The following CCDC85C variants were observed in gnomAD, a reference collection of about 807,000 sequenced individuals.
The protein encoded by CCDC85C is coiled-coil domain-containing protein 85C.
CCDC85C carries 18 observed loss-of-function variants against 38.3 expected under a neutral mutation model. The ratio of observed to expected loss-of-function variants is 0.47; its 90% confidence interval spans 0.33 to 0.70. The LOEUF is 0.70. Among genes scored for constraint, CCDC85C ranks in the 30% least tolerant of loss-of-function variants. CCDC85C has a pLI of 0.03. For missense variants in CCDC85C, 566 were observed against 621.2 expected, an observed-to-expected ratio of 0.91 and a Z score of 0.94; for synonymous variants, 264 against 293.8, an observed-to-expected ratio of 0.90 and a Z score of 1.04.
At chr14:99,547,259 G>A (rs1897824633) in intron 1 of CCDC85C, among the ~76,000 whole-genome samples, 2 of 152,118 alleles carry the variant, frequency 1.3e-5, no homozygotes, top group Admixed American at 6.6e-5. Flanking sequence ...GGAAAGAAGT[G>A]AGACACCAAA....
rs902890101 is a variant in CCDC85C, at chr14:99,515,234, A to G, written c.*12T>C. On this transcript the variant is annotated 3_prime_UTR_variant, in exon 6 of 6. Transcript: ENST00000380243. ...CCCAGCAGGGCCAGTCCACGTCCAC[A>G]GAAGAGTGGCCCTACAAAGGCCCCT... is the stretch of plus-strand genomic sequence containing the variant. 9.7e-6 allele frequency: 15 copies of G among 1,547,242 alleles called. 1 individual carries two copies. The Admixed American group carries it at 2.9e-4, about 30-fold the overall frequency.
At position 99,533,131 on chromosome 14, in the gene CCDC85C, C is replaced by T. The variant is rs1458934035; in HGVS notation, c.867+2884G>A. On this transcript the variant is annotated intron_variant, in intron 2 of 5. Coordinates refer to ENST00000380243, the MANE Select transcript of CCDC85C (RefSeq NM_001144995.2). This position sits in a 1 kb window ranked among gnomAD's most constrained non-coding sequence, Gnocchi z 4.2. ...CCATGGGCTCTGGGGATGCCACCAGCTCCTGGAGCCTTTGTTATGAGGTTC... is the reference window on the plus strand; with the variant it reads ...CCATGGGCTCTGGGGATGCCACCAGTTCCTGGAGCCTTTGTTATGAGGTTC... 6.6e-6 allele frequency among the ~76,000 whole-genome samples: 1 copy of T among 152,198 alleles called. No individual in the cohort carries two copies. The highest frequency in any genetic ancestry group is 1.5e-5 in the Non-Finnish European group (1 of 68,038).
In CCDC85C at chr14:99,502,928, C is replaced by G. The variant is rs1460094258; in HGVS notation, c.*12318G>C. 1 of 1,613,760 alleles carries G rather than the reference C, an allele frequency of 6.2e-7. No homozygotes were observed. Among genetic ancestry groups the G allele is most frequent in the African/African-American group, 1.3e-5 (1 of 74,888 alleles). ...AGCCCAGCAGCAGCAGCCAGCCCAA[C>G]AGCCCAAGAAACCCTCTCCGCAGCC... On this transcript the variant is annotated 3_prime_UTR_variant, in exon 6 of 6. Coordinates refer to ENST00000380243, the MANE Select transcript of CCDC85C (RefSeq NM_001144995.2).
chr14:99,566,279 A>T (rs1045242360), intron 1 of CCDC85C, among the ~76,000 whole-genome samples: 12 of 152,236 alleles, frequency 7.9e-5, no homozygotes, highest in Admixed American at 7.2e-4. Context: ...AGGGCCAAGC[A>T]CACTGCATGG....
chr14:99,577,071 C>T (rs551360219), intron 1 of CCDC85C, among the ~76,000 whole-genome samples: 21 of 152,106 alleles, frequency 1.4e-4, no homozygotes, highest in Non-Finnish European at 2.5e-4. Flanking sequence ...TGTTGCGGAA[C>T]GGGGCTGCAT....
chr14:99,590,827 C>T (rs2055077791), intron 1 of CCDC85C, among the ~76,000 whole-genome samples: 1 of 152,206 alleles, frequency 6.6e-6, no homozygotes, highest in Non-Finnish European at 1.5e-5. Context: ...CCCCAACCCC[C>T]AACCAACACA....
chr14:99,537,782 C>T (rs1897632445), intron 1 of CCDC85C, among the ~76,000 whole-genome samples: 1 of 152,198 alleles, frequency 6.6e-6, no homozygotes, highest in South Asian at 2.1e-4. Context: ...ACTCATTACT[C>T]TATCAACCCC....
intron 1 of CCDC85C, among the ~76,000 whole-genome samples, chr14:99,556,057 A>T (rs1481144969): frequency 6.6e-6 from 1 of 152,258 alleles, no homozygotes; most frequent in Non-Finnish European, 1.5e-5. Flanking sequence ...GTAAAGAAAG[A>T]TTGAGACACA....
At chr14:99,538,970 A>ACACACC (rs951946842) in intron 1 of CCDC85C, among the ~76,000 whole-genome samples, 4 of 152,166 alleles carry the variant, frequency 2.6e-5, no homozygotes, top group African/African-American at 9.7e-5. Context: ...ACAGGTGGCC[A>ACACACC]CACACCCACG....
At chr14:99,580,812 C>T (rs950175621) in intron 1 of CCDC85C, among the ~76,000 whole-genome samples, 3 of 152,230 alleles carry the variant, frequency 2.0e-5, no homozygotes, top group African/African-American at 7.2e-5. Flanking sequence ...TTGCAGTGAG[C>T]CAAGATCGCG....
In CCDC85C at chr14:99,513,491, A is replaced by G. The variant is rs1473216296; in HGVS notation, c.*1755T>C. On this transcript the variant is annotated 3_prime_UTR_variant, in exon 6 of 6. Transcript: ENST00000380243. ...ACACCCACGGCAGGAGCGCCACACCATCCCATCACCAGCACCCACTTACCC... is the reference window on the plus strand; with the variant it reads ...ACACCCACGGCAGGAGCGCCACACCGTCCCATCACCAGCACCCACTTACCC... 1.3e-5 allele frequency: 2 copies of G among 152,316 alleles called. No individual in the cohort carries two copies. The highest frequency in any genetic ancestry group is 4.8e-5 in the African/African-American group (2 of 41,458). The allele number at this position is 152,316 out of a possible 1,614,324, so 9.4% of individuals were successfully genotyped here.
chr14:99,590,744 G>T (rs2139986830), intron 1 of CCDC85C, among the ~76,000 whole-genome samples: 1 of 152,342 alleles, frequency 6.6e-6, no homozygotes, highest in African/African-American at 2.4e-5. Flanking sequence ...AGCTGGGCTG[G>T]GGTCAGTCTG....
At chr14:99,540,112 C>A (rs1897682718) in intron 1 of CCDC85C, among the ~76,000 whole-genome samples, 2 of 151,966 alleles carry the variant, frequency 1.3e-5, no homozygotes, top group African/African-American at 2.4e-5. Context: ...CACGCCACTG[C>A]AGTCCAGATG....
chr14:99,539,469 C>CAAAAAA (rs5810957), intron 1 of CCDC85C, among the ~76,000 whole-genome samples: 1 of 108,488 alleles, frequency 9.2e-6, no homozygotes, highest in African/African-American at 3.6e-5. Context: ...GACTCCATCT[C>CAAAAAA]AAAAAAAAAA....
Position 99,510,751 on chromosome 14 carries a change from GGGGGCT to G in CCDC85C, c.*4489_*4494del. 6.9e-7 allele frequency: 1 copy of G among 1,456,694 alleles called. No homozygotes were observed. The allele number at this position is 1,456,694 out of a possible 1,614,324, so 90.2% of individuals were successfully genotyped here. ...CCCCCACCCGGCATGCCTCCAGTTGGGGGGCTGGGGCGGGCAGCCTGGATGAGATAA... is the reference window on the plus strand; with the variant it reads ...CCCCCACCCGGCATGCCTCCAGTTGGGGGGCGGGCAGCCTGGATGAGATAA... On this transcript the variant is annotated 3_prime_UTR_variant, in exon 6 of 6. Transcript: ENST00000380243.
In CCDC85C at chr14:99,502,359, C is replaced by T. The variant is rs762383866; in HGVS notation, c.*12887G>A. 6 of 1,613,486 alleles carry T rather than the reference C, an allele frequency of 3.7e-6. No homozygotes were observed. Among genetic ancestry groups the T allele is most frequent in the East Asian group, 2.2e-5 (1 of 44,860 alleles). On this transcript the variant is annotated 3_prime_UTR_variant, in exon 6 of 6. Transcript: ENST00000380243. The stretch of plus-strand genomic sequence containing the variant: ...TGGGAGCAGTTTGTTCAAGATGTCC[C>T]GGTCGACGTTTTGGAAGGTACCAGG...
chr14:99,507,167 G>A lies in CCDC85C; in HGVS notation c.*8079C>T. 6.7e-7 allele frequency: 1 copy of A among 1,490,314 alleles called. No individual in the cohort carries two copies. The highest frequency in any genetic ancestry group is 1.1e-5 in the South Asian group (1 of 88,626). The allele number at this position is 1,490,314 out of a possible 1,614,324, so 92.3% of individuals were successfully genotyped here. On this transcript the variant is annotated 3_prime_UTR_variant, in exon 6 of 6. Transcript: ENST00000380243. Reference sequence around the variant, plus strand: ...CTCCAGGTAAGCATCTGCTGAAGCAGCTTGGCCAGCTGTGCACATCGCCTC... The same window carrying A: ...CTCCAGGTAAGCATCTGCTGAAGCAACTTGGCCAGCTGTGCACATCGCCTC...
intron 2 of CCDC85C, chr14:99,534,589 A>C (rs1897556474): frequency 1.4e-6 from 1 of 701,704 alleles, no homozygotes; most frequent in African/African-American, 1.7e-5. Flanking sequence ...CCTCTCCTAC[A>C]CACTGCATGG....
At chr14:99,517,498 TG>T (rs1897245964) in intron 3 of CCDC85C, among the ~76,000 whole-genome samples, 1 of 152,178 alleles carries the variant, frequency 6.6e-6, no homozygotes, top group Non-Finnish European at 1.5e-5. Flanking sequence ...GCGTCTGTTT[TG>T]CAAGGAAAGT....
Sources: gnomAD v4.1 joint callset for allele counts (sites outside exome capture counted in the v4.1 genomes callset) on GRCh38, gnomAD v4.1.1 for gene constraint, Gnocchi (gnomAD v3.1) non-coding constraint, MANE v1.5 for transcripts, NCBI Gene and HGNC (gene_info 2026-07-23, HGNC 2026-07-21) for gene names.